Variants in CLTC observed in about 807,000 individuals in gnomAD.
CLTC encodes clathrin heavy chain 1.
A neutral mutation model predicts 195.8 loss-of-function variants in CLTC; 16 were observed. That is an observed-to-expected ratio of 0.08 (90% confidence interval 0.06 to 0.12). The LOEUF (loss-of-function observed/expected upper bound fraction) is 0.12. CLTC is among the 10% of genes least tolerant of loss of function. The pLI is 1.00. For synonymous variants in CLTC, 667 were observed against 689.4 expected (o/e 0.97, Z 0.51); for missense variants, 796 against 2,027.0 (o/e 0.39, Z 11.66).
intron 30 of CLTC, among the ~76,000 whole-genome samples, chr17:59,686,064 A>C (rs951060323): frequency 1.3e-5 from 2 of 152,064 alleles, no homozygotes; most frequent in South Asian, 4.1e-4. Flanking sequence ...TATTTAAAAA[A>C]CTTTGATAAA....
intron 14 of CLTC, 39 bp from the exon 15 acceptor site, chr17:59,673,605 TAGA>T (rs757262760): frequency 2.8e-5 from 42 of 1,514,310 alleles, no homozygotes; most frequent in Middle Eastern, 3.5e-4. Flanking sequence ...TGATACCTCA[TAGA>T]AGAAATTTAA....
chr17:59,664,024 G>T, intron 9 of CLTC, 30 bp downstream of exon 9: 1 of 1,584,046 alleles, frequency 6.3e-7, no homozygotes, highest in South Asian at 1.1e-5. Context: ...TTCTCAGCAT[G>T]AATTCATTGA....
At chr17:59,692,968 G>A (rs2033342542) in intron 31 of CLTC, among the ~76,000 whole-genome samples, 1 of 152,062 alleles carries the variant, frequency 6.6e-6, no homozygotes, top group African/African-American at 2.4e-5. Flanking sequence ...TTTAACTGCT[G>A]TCTCTAAATT....
chr17:59,688,311 A>G (rs1042450395), intron 30 of CLTC, among the ~76,000 whole-genome samples: 1 of 152,172 alleles, frequency 6.6e-6, no homozygotes, highest in Non-Finnish European at 1.5e-5. Context: ...ACATACACCA[A>G]AATAACTGAC....
intron 1 of CLTC, among the ~76,000 whole-genome samples, chr17:59,623,000 T>C (rs577288399): frequency 3.9e-5 from 6 of 152,338 alleles, no homozygotes; most frequent in African/African-American, 1.4e-4. Context: ...CAAGATACTG[T>C]TGGAATTGAA....
chr17:59,655,928 T>G lies in CLTC; in HGVS notation c.870T>G (p.Gly290=), dbSNP rs1190691826. The change falls in exon 6 of 32, where the codon GGT becomes GGG. Residue 290 remains glycine (G), a synonymous_variant. Transcript: ENST00000269122. ...GYIHLYDLET[G]TCIYMNRISG... ...TCCACCTCTATGATCTTGAGACTGG[T>G]ACCTGCATCTACATGAATAGAATCA... 1.2e-6 allele frequency: 2 copies of G among 1,612,628 alleles called. No homozygotes were observed. Among genetic ancestry groups the G allele is most frequent in the African/African-American group, 2.7e-5 (2 of 74,900 alleles).
rs544953932 is a variant in CLTC at position 59,696,642 on chromosome 17, G to GTATC, written c.*2793_*2796dup. The GTATC allele has an allele frequency of 2.8e-5, 6 of 212,194 alleles. No homozygotes were observed. The South Asian group carries it at 1.1e-3, about 40-fold the overall frequency. 13.1% of individuals were successfully genotyped at this position (212,194 alleles called of 1,614,324 possible). ...AGTAATTATTAGGATTGTATCAAGTGTATCTAAAGATCAAAAGGGAAAAAA... is the reference window on the plus strand; with the variant it reads ...AGTAATTATTAGGATTGTATCAAGTGTATCTATCTAAAGATCAAAAGGGAAAAAA... On this transcript the variant is annotated 3_prime_UTR_variant, in exon 32 of 32. Transcript: ENST00000269122.
intron 1 of CLTC, among the ~76,000 whole-genome samples, chr17:59,643,540 G>C (rs1415808829): frequency 6.6e-6 from 1 of 152,044 alleles, no homozygotes; most frequent in Non-Finnish European, 1.5e-5. Flanking sequence ...TCTTACTGAG[G>C]TATGTTTAGC....
chr17:59,681,032 G>T lies in CLTC; in HGVS notation c.3040G>T (p.Asp1014Tyr). ...LIELLEKIVLDNSVFSEHRNL... is the reference protein window; with the variant it reads ...LIELLEKIVLYNSVFSEHRNL... The stretch of plus-strand genomic sequence containing the variant: ...TGAACTGCTGGAGAAAATTGTCCTT[G>T]ATAACTCTGTATTCAGTGAACACAG... The change falls in exon 19 of 32, where the codon GAT (aspartate) becomes TAT (tyrosine). Residue 1014 changes from aspartate to tyrosine, a missense_variant. By Grantham distance (160) the Asp-to-Tyr change is radical (BLOSUM62 -3). This residue lies in a region of CLTC where 160 missense variants were observed against 448.2 expected (regional missense o/e 0.36). Transcript: ENST00000269122. The surrounding 1 kb of genome is among the most constrained non-coding windows in gnomAD (Gnocchi z 5.0). The T allele has an allele frequency of 6.2e-7, 1 of 1,613,974 alleles. No individual in the cohort carries two copies. The highest frequency in any genetic ancestry group is 8.5e-7 in the Non-Finnish European group (1 of 1,179,908).
intron 4 of CLTC, among the ~76,000 whole-genome samples, chr17:59,649,592 T>G (rs1243042501): frequency 6.6e-6 from 1 of 152,198 alleles, no homozygotes; most frequent in African/African-American, 2.4e-5. Flanking sequence ...ACCAAAAAAT[T>G]TGAACTTCAC....
At chr17:59,678,794 A>G (rs2033019857) in intron 17 of CLTC, among the ~76,000 whole-genome samples, 1 of 152,122 alleles carries the variant, frequency 6.6e-6, no homozygotes, top group Admixed American at 6.5e-5. Flanking sequence ...TGAGCCCAGG[A>G]GTTTGAAACC....
Position 59,661,660 on chromosome 17 carries a change from T to C in CLTC, c.1368+17T>C. On this transcript the variant is annotated intron_variant, in intron 8 of 31. Coordinates refer to ENST00000269122, the MANE Select transcript of CLTC (RefSeq NM_004859.4). ...GAAGATAAGGTACGTTAAATTATGT[T>C]GACATAATCTTGCTTTGGTTGCATT... 6.2e-7 allele frequency: 1 copy of C among 1,604,060 alleles called. No homozygotes were observed. Among genetic ancestry groups the C allele is most frequent in the Non-Finnish European group, 8.5e-7 (1 of 1,171,012 alleles).
At chr17:59,631,305 T>TA (rs1461659883) in intron 1 of CLTC, among the ~76,000 whole-genome samples, 7 of 152,216 alleles carry the variant, frequency 4.6e-5, no homozygotes, top group South Asian at 4.1e-4. Context: ...GTGTACCTGT[T>TA]ACGTATACTG....
intron 8 of CLTC, among the ~76,000 whole-genome samples, chr17:59,661,876 G>A (rs900231606): frequency 2.0e-5 from 3 of 152,112 alleles, no homozygotes; most frequent in Non-Finnish European, 4.4e-5. Context: ...GCCATGGTGG[G>A]TGGATCACCT....
intron 14 of CLTC, among the ~76,000 whole-genome samples, chr17:59,670,153 T>C (rs1223057139): frequency 1.3e-5 from 2 of 152,212 alleles, no homozygotes; most frequent in Admixed American, 6.5e-5. Flanking sequence ...TGATACTCTG[T>C]GCTTGACTAG....
intron 14 of CLTC, among the ~76,000 whole-genome samples, chr17:59,669,394 C>T (rs954731432): frequency 6.6e-6 from 1 of 152,018 alleles, no homozygotes; most frequent in African/African-American, 2.4e-5. Context: ...ACTCTAGAAA[C>T]TAAAATATTG....
chr17:59,666,329 G>C lies in CLTC; in HGVS notation c.1782+89G>C. The C allele has an allele frequency of 6.5e-7, 1 of 1,535,312 alleles. No homozygotes were observed. Among genetic ancestry groups the C allele is most frequent in the Non-Finnish European group, 8.9e-7 (1 of 1,121,870 alleles). ...TCAGATTGTTATGCAAAGCTACTGAGGGGCCTACTCCTTATTAAAGAAAAT... is the reference window on the plus strand; with the variant it reads ...TCAGATTGTTATGCAAAGCTACTGACGGGCCTACTCCTTATTAAAGAAAAT... On this transcript the variant is annotated intron_variant, in intron 11 of 31. Transcript: ENST00000269122. The surrounding 1 kb of genome is among the most constrained non-coding windows in gnomAD (Gnocchi z 4.9).
chr17:59,644,479 G>T lies in CLTC; in HGVS notation c.246G>T (p.Leu82=), dbSNP rs1402596457. Residue 82 remains leucine (L), a synonymous_variant, in exon 2 of 32, where the codon CTG becomes CTT. Transcript: ENST00000269122. Reference sequence around the variant, plus strand: ...ATCCAGCTAGCAAAGTAATTGCACTGAAAGGTATAAAAGAATGTGGGTTTT... The same window carrying T: ...ATCCAGCTAGCAAAGTAATTGCACTTAAAGGTATAAAAGAATGTGGGTTTT... The part of the protein sequence containing the change: ...IMNPASKVIA[L]KAGKTLQIFN... 3.7e-6 allele frequency: 6 copies of T among 1,611,574 alleles called. No homozygotes were observed. Among genetic ancestry groups the T allele is most frequent in the South Asian group, 2.2e-5 (2 of 91,038 alleles).
intron 4 of CLTC, among the ~76,000 whole-genome samples, chr17:59,650,588 A>G (rs2032306057): frequency 6.6e-6 from 1 of 151,094 alleles, no homozygotes; most frequent in Admixed American, 6.6e-5. Flanking sequence ...CCTGGGTTCA[A>G]GCGATTCTCC....
Sources: gnomAD v4.1 joint callset for allele counts (sites outside exome capture counted in the v4.1 genomes callset) on GRCh38, gnomAD v4.1.1 for gene constraint, gnomAD v4.1.1 regional missense constraint, Gnocchi (gnomAD v3.1) non-coding constraint, MANE v1.5 for transcripts, NCBI Gene and HGNC (gene_info 2026-07-23, HGNC 2026-07-21) for gene names.